TRPM3: variants seen among roughly 807,000 people sequenced by gnomAD.
The protein encoded by TRPM3 is long transient receptor potential channel 3.
Under a neutral mutation model 181.2 loss-of-function variants are expected in TRPM3, and 77 were observed. The observed-to-expected ratio is 0.42, with a 90% CI of 0.35 to 0.51. TRPM3 has a LOEUF of 0.51. Ranked by LOEUF, TRPM3 falls within the 20% of genes least tolerant of loss-of-function variation. TRPM3 has a pLI of 0.01. For missense variants in TRPM3, 1,759 were observed against 2,196.7 expected (o/e 0.80, Z 3.98); for synonymous variants, 745 against 796.4 (o/e 0.94, Z 1.09).
chr9:71,222,592 A>T (rs1362849442), intron 1 of TRPM3, among the ~76,000 whole-genome samples: 1 of 152,244 alleles, frequency 6.6e-6, no homozygotes, highest in Non-Finnish European at 1.5e-5. Flanking sequence ...CCCTTCTAAG[A>T]ACCAATGATC....
intron 1 of TRPM3, among the ~76,000 whole-genome samples, chr9:71,197,576 G>A (rs931019776): frequency 6.6e-6 from 1 of 151,958 alleles, no homozygotes; most frequent in African/African-American, 2.4e-5. Context: ...ACTGGTGTGA[G>A]ATGGCATCTC....
chr9:71,303,533 C>T (rs2086977072), intron 1 of TRPM3, among the ~76,000 whole-genome samples: 2 of 152,148 alleles, frequency 1.3e-5, no homozygotes, highest in South Asian at 4.1e-4. Context: ...GAGCAATCCC[C>T]ATACCACTAG....
intron 1 of TRPM3, among the ~76,000 whole-genome samples, chr9:71,042,996 C>A (rs560573182): frequency 6.6e-6 from 1 of 152,126 alleles, no homozygotes; most frequent in African/African-American, 2.4e-5. Flanking sequence ...CTGTTTCTTG[C>A]GATTACACAT....
intron 1 of TRPM3, among the ~76,000 whole-genome samples, chr9:71,435,885 G>C (rs2094025901): frequency 6.6e-6 from 1 of 152,148 alleles, no homozygotes; most frequent in South Asian, 2.1e-4. Context: ...GGCAGAAGAG[G>C]AGAATCAGAA....
intron 8 of TRPM3, among the ~76,000 whole-genome samples, chr9:70,755,335 A>G (rs987687148): frequency 6.6e-6 from 1 of 151,992 alleles, no homozygotes; most frequent in Non-Finnish European, 1.5e-5. Flanking sequence ...CAGAAACCCT[A>G]CAAGTCAGAA....
intron 12 of TRPM3, 147 bp downstream of exon 12, chr9:70,635,064 C>T (rs2056923498): frequency 1.7e-5 from 9 of 522,266 alleles, no homozygotes; most frequent in East Asian, 6.0e-5. Flanking sequence ...GACACATACA[C>T]ACACACACAC....
chr9:71,301,860 A>G (rs1422647044), intron 1 of TRPM3, among the ~76,000 whole-genome samples: 2 of 152,196 alleles, frequency 1.3e-5, no homozygotes, highest in East Asian at 1.9e-4. Flanking sequence ...CCTAGCATAT[A>G]GTAGATGCTT....
intron 1 of TRPM3, among the ~76,000 whole-genome samples, chr9:71,330,248 T>G (rs911802449): frequency 6.6e-6 from 1 of 151,858 alleles, no homozygotes. Context: ...AGATTGCAGA[T>G]TTTTGTTAAG....
At chr9:71,289,918 A>C (rs1192560595) in intron 1 of TRPM3, among the ~76,000 whole-genome samples, 1 of 150,658 alleles carries the variant, frequency 6.6e-6, no homozygotes, top group Non-Finnish European at 1.5e-5. Context: ...TAAGAACTAG[A>C]TAAGAATTGA....
intron 1 of TRPM3, among the ~76,000 whole-genome samples, chr9:71,386,465 A>G (rs996750833): frequency 6.6e-6 from 1 of 151,728 alleles, no homozygotes; most frequent in African/African-American, 2.4e-5. Flanking sequence ...AAAAAAAAAG[A>G]TAGCAAATAT....
chr9:71,190,347 A>G (rs1239689040), intron 1 of TRPM3, among the ~76,000 whole-genome samples: 1 of 151,942 alleles, frequency 6.6e-6, no homozygotes, highest in Non-Finnish European at 1.5e-5. Flanking sequence ...TAAGCATTAA[A>G]TTGGTATTTG....
At chr9:70,771,445 T>C (rs1163750407) in intron 7 of TRPM3, among the ~76,000 whole-genome samples, 1 of 152,156 alleles carries the variant, frequency 6.6e-6, no homozygotes, top group Non-Finnish European at 1.5e-5. Flanking sequence ...CTTTCTTTCC[T>C]TCCTTCTTTA....
At chr9:71,439,980 G>A (rs769962101) in intron 1 of TRPM3, among the ~76,000 whole-genome samples, 2 of 151,992 alleles carry the variant, frequency 1.3e-5, no homozygotes, top group African/African-American at 2.4e-5. Flanking sequence ...AAAATTAGCC[G>A]GGCATGGTGG....
chr9:70,899,820 C>T (rs1020386628), intron 1 of TRPM3, among the ~76,000 whole-genome samples: 1 of 152,174 alleles, frequency 6.6e-6, no homozygotes, highest in Admixed American at 6.5e-5. Context: ...TTCTTAGCAT[C>T]ATGTTTGCAT....
chr9:70,655,204 G>T (rs1402194151), intron 9 of TRPM3, among the ~76,000 whole-genome samples: 1 of 149,382 alleles, frequency 6.7e-6, no homozygotes, highest in East Asian at 2.0e-4. Flanking sequence ...TACTCAGGAG[G>T]CTGGGGCAGG....
At chr9:70,914,979 G>A (rs1932924) in intron 1 of TRPM3, among the ~76,000 whole-genome samples, 1 of 151,944 alleles carries the variant, frequency 6.6e-6, no homozygotes, top group East Asian at 1.9e-4. Context: ...TTCCCAAAAA[G>A]GATGGGTACA....
intron 1 of TRPM3, among the ~76,000 whole-genome samples, chr9:71,043,778 T>C (rs1393672405): frequency 6.6e-6 from 1 of 152,186 alleles, no homozygotes; most frequent in Non-Finnish European, 1.5e-5. Context: ...GACAAGCGAA[T>C]CTATGTTTAA....
rs184749190 is a variant in TRPM3, at chr9:70,573,118, T to C, written c.3223+17913A>G. Among the ~76,000 whole-genome samples the C allele has an allele frequency of 5.5e-3, 841 of 152,092 alleles. 7 individuals carry two copies. Among genetic ancestry groups the C allele is most frequent in the African/African-American group, 0.018 (745 of 41,540 alleles). On this transcript the variant is annotated intron_variant, in intron 22 of 25. Coordinates refer to ENST00000677713, the MANE Select transcript of TRPM3 (RefSeq NM_001366145.2). Reference sequence around the variant, plus strand: ...AATAATTATTTCAATATATAAGTGTTCAGACACAACAATTCCAGAAGCCAT... The same window carrying C: ...AATAATTATTTCAATATATAAGTGTCCAGACACAACAATTCCAGAAGCCAT...
Position 71,060,532 on chromosome 9 carries a change from G to A in TRPM3, c.177+60646C>T, listed in dbSNP as rs190447659. ...CAAACCCAGGCCTGTCAGACTCTCA[G>A]TGCTCCCCTACAGCTATTAAGGGGT... On this transcript the variant is annotated intron_variant, in intron 1 of 25. Coordinates refer to ENST00000677713, the MANE Select transcript of TRPM3 (RefSeq NM_001366145.2). 2.6e-5 allele frequency among the ~76,000 whole-genome samples: 4 copies of A among 152,238 alleles called. No individual in the cohort carries two copies. The East Asian group carries it at 5.8e-4, about 22-fold the overall frequency.
Sources: allele counts gnomAD v4.1 joint callset (sites outside exome capture counted in the v4.1 genomes callset), GRCh38; gene constraint gnomAD v4.1.1; transcripts MANE v1.5; gene names NCBI Gene and HGNC (gene_info 2026-07-23, HGNC 2026-07-21).